HHLA1: variants seen among roughly 807,000 people sequenced by gnomAD.
HHLA1 encodes the protein HHLA1 neighbor of OC90, also known as HERV-H LTR-associating protein 1.
HHLA1 carries 72 observed loss-of-function variants against 69.9 expected under a neutral mutation model. The ratio of observed to expected loss-of-function variants is 1.03; its 90% CI spans 0.85 to 1.25. The LOEUF (loss-of-function observed/expected upper bound fraction) is 1.25, where lower values mean the gene tolerates loss of function less well. HHLA1 is among the 50% of genes most tolerant of loss of function. The pLI, the probability that HHLA1 is intolerant of heterozygous loss-of-function variation, is 0.00. For missense variants in HHLA1, 685 were observed against 642.2 expected (o/e 1.07, Z -0.72); for synonymous variants, 252 against 233.2 (o/e 1.08, Z -0.73).
Position 132,101,966 on chromosome 8 carries a change from C to T in HHLA1, c.140-1832G>A, listed in dbSNP as rs544391350. Among the ~76,000 whole-genome samples, 21 of 152,286 alleles carry T rather than the reference C, an allele frequency of 1.4e-4. No individual in the cohort carries two copies. In the East Asian group the frequency reaches 3.1e-3, roughly 22 times the overall value. On this transcript the variant is annotated intron_variant, in intron 3 of 16. Transcript: ENST00000414222. ...TTAGAACTTATTCATCTTGTGTAAC[C>T]GAAATTTCATACTCATTGAACAACG... is the stretch of plus-strand genomic sequence containing the variant.
chr8:132,070,919 A>T (rs772516045), intron 15 of HHLA1, among the ~76,000 whole-genome samples: 3 of 151,782 alleles, frequency 2.0e-5, no homozygotes, highest in African/African-American at 7.3e-5. Flanking sequence ...AACACAATTC[A>T]TCTCATCACA....
intron 14 of HHLA1, among the ~76,000 whole-genome samples, chr8:132,075,756 T>C (rs903020556): frequency 1.3e-5 from 2 of 152,248 alleles, no homozygotes; most frequent in Non-Finnish European, 2.9e-5. Context: ...CAGAGCTCTA[T>C]ACTTCCAAAC....
chr8:132,070,291 A>C, intron 15 of HHLA1: 1 of 701,584 alleles, frequency 1.4e-6, no homozygotes, highest in Non-Finnish European at 2.6e-6. Flanking sequence ...CCATGTCTAG[A>C]CCTTCTTAAT....
rs1823387316 is a variant in HHLA1, at chr8:132,063,538, T to C, written c.*457A>G. ...AGTATATGTGAATCTCTCTAGAGTA[T>C]GAATTCAATATTAATTTATGCTTTT... On this transcript the variant is annotated 3_prime_UTR_variant, in exon 17 of 17. Transcript: ENST00000414222. The C allele has an allele frequency of 6.5e-6, 1 of 153,638 alleles. No homozygotes were observed. Among genetic ancestry groups the C allele is most frequent in the Admixed American group, 6.4e-5 (1 of 15,598 alleles). 9.5% of individuals were successfully genotyped at this position (153,638 alleles called of 1,614,324 possible). A position where few individuals can be genotyped will look rare whatever the true frequency, so the allele number is the denominator to read the frequency against.
At chr8:132,100,889 A>G (rs1446404109) in intron 3 of HHLA1, among the ~76,000 whole-genome samples, 4 of 152,252 alleles carry the variant, frequency 2.6e-5, no homozygotes, top group Non-Finnish European at 5.9e-5. Flanking sequence ...ATCACATGCT[A>G]TAGAATCACA....
chr8:132,076,354 A>T (rs1449527835), intron 13 of HHLA1, 121 bp downstream of exon 13: 1 of 756,982 alleles, frequency 1.3e-6, no homozygotes, highest in South Asian at 1.8e-5. Flanking sequence ...GGAAACAATA[A>T]AGCAGAGTAA....
At chr8:132,076,428 T>G in intron 13 of HHLA1, 47 bp downstream of exon 13, 1 of 359,434 alleles carries the variant, frequency 2.8e-6, no homozygotes, top group Non-Finnish European at 5.1e-6. Flanking sequence ...TTCCCACCCC[T>G]CCCATCCCCC....
At chr8:132,101,359 CAACACTTTGAAGAATGGATA>C in intron 3 of HHLA1, 1 of 1,473,890 alleles carries the variant, frequency 6.8e-7, no homozygotes, top group Non-Finnish European at 9.0e-7. Flanking sequence ...TCATCTTGTC[CAACACTTTGAAGAATGGATA>C]AACTGAAATC....
chr8:132,095,698 C>G lies in HHLA1; in HGVS notation c.364+5G>C, dbSNP rs1253161266. On this transcript the variant is annotated splice_donor_5th_base_variant and intron_variant, in intron 6 of 16. Transcript: ENST00000414222. ...CACCATCAAGAAGAGCCAGCCAGCA[C>G]TCACTGTTGTAAACAGCTACAGAAA... The G allele has an allele frequency of 1.3e-6, 2 of 1,550,480 alleles. No individual in the cohort carries two copies. Among genetic ancestry groups the G allele is most frequent in the East Asian group, 2.4e-5 (1 of 40,922 alleles).
rs796294150 is a variant in HHLA1 at position 132,070,018 on chromosome 8, GGGGGGGA to G, written c.1469+1315_1469+1321del. On this transcript the variant is annotated intron_variant, in intron 15 of 16. Coordinates refer to ENST00000414222, the MANE Select transcript of HHLA1 (RefSeq NM_001145095.3). ...AGGAAATGTTCGTACTGACGGGGGG[GGGGGGGA>G]GGGGGATGAAAGATTACAGCTGGAA... The G allele has an allele frequency of 3.3e-3, 140 of 42,260 alleles. 16 individuals carry two copies. Among genetic ancestry groups the G allele is most frequent in the African/African-American group, 0.013 (126 of 9,526 alleles). The allele number at this position is 42,260 out of a possible 1,614,324, so 2.6% of individuals were successfully genotyped here. A position where few individuals can be genotyped will look rare whatever the true frequency, so the allele number is the denominator to read the frequency against.
At chr8:132,093,413 G>A (rs961446747) in intron 7 of HHLA1, among the ~76,000 whole-genome samples, 1 of 152,136 alleles carries the variant, frequency 6.6e-6, no homozygotes, top group Non-Finnish European at 1.5e-5. Context: ...TACCCTCAAA[G>A]GAGGGCTTTA....
chr8:132,090,952 G>T (rs893388), intron 7 of HHLA1, among the ~76,000 whole-genome samples: 1 of 151,944 alleles, frequency 6.6e-6, no homozygotes, highest in Non-Finnish European at 1.5e-5. Context: ...GTAGAGACAG[G>T]GTTTCACCGT....
In HHLA1 at chr8:132,062,231, A is replaced by G. The variant is rs1486024126; in HGVS notation, c.*1764T>C. 1 of 152,216 alleles carries G rather than the reference A, an allele frequency of 6.6e-6. No individual in the cohort carries two copies. Among genetic ancestry groups the G allele is most frequent in the South Asian group, 2.1e-4 (1 of 4,828 alleles). The allele number at this position is 152,216 out of a possible 1,614,324, so 9.4% of individuals were successfully genotyped here. ...TCTTCATCTTTGCAAAAGTCATGAT[A>G]ATATACATTTATGAGCTTGACATTT... On this transcript the variant is annotated 3_prime_UTR_variant, in exon 17 of 17. Transcript: ENST00000414222.
At chr8:132,104,677 T>C (rs1232929464) in intron 2 of HHLA1, among the ~76,000 whole-genome samples, 1 of 151,898 alleles carries the variant, frequency 6.6e-6, no homozygotes, top group Non-Finnish European at 1.5e-5. Context: ...GATGGGGGCA[T>C]AAAGAATGAA....
intron 15 of HHLA1, among the ~76,000 whole-genome samples, chr8:132,070,546 TA>T (rs1823515464): frequency 6.6e-6 from 1 of 152,054 alleles, no homozygotes. Context: ...CATATCTCAA[TA>T]TAGCTTAATT....
chr8:132,099,866 A>G (rs1824085812), intron 4 of HHLA1, among the ~76,000 whole-genome samples: 1 of 152,062 alleles, frequency 6.6e-6, no homozygotes, highest in Non-Finnish European at 1.5e-5. Context: ...AAAAAAAAAA[A>G]GATTTGGAAA....
intron 15 of HHLA1, among the ~76,000 whole-genome samples, chr8:132,070,823 C>A (rs993387437): frequency 5.3e-5 from 8 of 151,862 alleles, no homozygotes; most frequent in African/African-American, 1.9e-4. Flanking sequence ...CAACTCAAGT[C>A]ATCTCAACTT....
At position 132,077,873 on chromosome 8, in the gene HHLA1, T is replaced by G. The variant is rs940371748; in HGVS notation, c.1024A>C (p.Lys342Gln). The G allele has an allele frequency of 1.9e-6, 3 of 1,551,484 alleles. No homozygotes were observed. The highest frequency in any genetic ancestry group is 2.6e-6 in the Non-Finnish European group (3 of 1,146,938). The change falls in exon 12 of 17, where the codon AAA becomes CAA. Residue 342 changes from lysine (K) to glutamine (Q), a missense_variant. Physicochemically the swap from Lys to Gln is moderately conservative, Grantham distance 53. Transcript: ENST00000414222. ...VPWAQTISEK[K>Q]PGGSLWETRS... ...GTTTCCCAGAGAGACCCTCCAGGTT[T>G]TTTCTCACTGATGGTCTGAGCCCAG...
chr8:132,100,496 A>G (rs1480747305), intron 3 of HHLA1, among the ~76,000 whole-genome samples: 6 of 152,242 alleles, frequency 3.9e-5, no homozygotes. Context: ...CCTACTTTCT[A>G]GAACTGTAGA....
Sources: gnomAD v4.1 joint callset for allele counts (sites outside exome capture counted in the v4.1 genomes callset) on GRCh38, gnomAD v4.1.1 for gene constraint, MANE v1.5 for transcripts, NCBI Gene and HGNC (gene_info 2026-07-23, HGNC 2026-07-21) for gene names.